Variants in PTPRG observed in about 807,000 individuals in gnomAD.
The protein encoded by PTPRG is protein tyrosine phosphatase receptor type G.
PTPRG carries 102 observed loss-of-function variants against 165.3 expected under a neutral mutation model. That is an observed-to-expected ratio of 0.62 (90% CI 0.53 to 0.73). PTPRG has a LOEUF of 0.73. PTPRG is among the 30% of genes least tolerant of loss of function. The probability of loss-of-function intolerance (pLI) is 0.00; values close to 1 mark genes in which losing one functional copy is unlikely to be tolerated. For synonymous variants in PTPRG, 675 were observed against 669.5 expected, an observed-to-expected ratio of 1.01 and a Z score of -0.13; for missense variants, 1,866 against 1,861.4, an observed-to-expected ratio of 1.00 and a Z score of -0.05.
At chr3:61,655,060 T>TTA (rs1438857392) in intron 1 of PTPRG, among the ~76,000 whole-genome samples, 1 of 152,096 alleles carries the variant, frequency 6.6e-6, no homozygotes, top group African/African-American at 2.4e-5. Flanking sequence ...GTGCTGGGAT[T>TTA]ACAGGCGTGA....
At chr3:62,152,329 A>T (rs1416908699) in intron 6 of PTPRG, among the ~76,000 whole-genome samples, 1 of 152,064 alleles carries the variant, frequency 6.6e-6, no homozygotes, top group Non-Finnish European at 1.5e-5. Context: ...ACCACAGCCT[A>T]GTCAACAGAG....
intron 2 of PTPRG, among the ~76,000 whole-genome samples, chr3:61,796,018 T>C (rs2035034508): frequency 6.6e-6 from 1 of 152,154 alleles, no homozygotes; most frequent in Non-Finnish European, 1.5e-5. Flanking sequence ...CAGGGAGAAA[T>C]TTGTAGCTCA....
chr3:62,238,115 G>A (rs961082572), intron 14 of PTPRG, among the ~76,000 whole-genome samples: 3 of 152,184 alleles, frequency 2.0e-5, no homozygotes, highest in Non-Finnish European at 2.9e-5. Flanking sequence ...GAACAGAGAC[G>A]CTCATTCGGT....
intron 5 of PTPRG, among the ~76,000 whole-genome samples, chr3:62,116,730 T>C (rs1007666397): frequency 6.6e-6 from 1 of 152,200 alleles, no homozygotes; most frequent in African/African-American, 2.4e-5. Flanking sequence ...TTAACATTTG[T>C]GTAGCTTACT....
In PTPRG at chr3:61,894,700, A is replaced by G. The variant is rs148994388; in HGVS notation, c.191-94925A>G. ...CAACTTGGGCTTTATGGCTCCAGCA[A>G]TGAGGCTCTTAAAACATGGTCACAA... On this transcript the variant is annotated intron_variant, in intron 2 of 29. Coordinates refer to ENST00000474889, the MANE Select transcript of PTPRG (RefSeq NM_002841.4). Among the ~76,000 whole-genome samples the G allele has an allele frequency of 2.0e-4, 31 of 152,324 alleles. 1 individual carries two copies. The East Asian group carries it at 4.6e-3, about 23-fold the overall frequency.
intron 9 of PTPRG, among the ~76,000 whole-genome samples, chr3:62,194,522 A>G (rs1699912771): frequency 6.6e-6 from 1 of 152,204 alleles, no homozygotes; most frequent in Non-Finnish European, 1.5e-5. Context: ...TTTGAACTGT[A>G]AAGAAACAGA....
intron 12 of PTPRG, among the ~76,000 whole-genome samples, chr3:62,211,957 CT>C (rs1309689652): frequency 0.013 from 1,887 of 143,176 alleles, 19 homozygotes; most frequent in Middle Eastern, 0.04. Flanking sequence ...TTTTTCTTTT[CT>C]TTTTTTTTTT....
chr3:62,039,548 C>T (rs972802460), intron 4 of PTPRG, among the ~76,000 whole-genome samples: 6 of 152,086 alleles, frequency 3.9e-5, no homozygotes, highest in Non-Finnish European at 8.8e-5. Flanking sequence ...CAGTCATGGG[C>T]TTGTACAGAA....
At chr3:62,231,849 C>T (rs1158503832) in intron 14 of PTPRG, among the ~76,000 whole-genome samples, 2 of 151,236 alleles carry the variant, frequency 1.3e-5, no homozygotes, top group African/African-American at 2.4e-5. Flanking sequence ...AAAGGAAATG[C>T]ATATGAGTTC....
intron 1 of PTPRG, among the ~76,000 whole-genome samples, chr3:61,710,019 G>T (rs1163502884): frequency 2.0e-5 from 3 of 152,166 alleles, no homozygotes; most frequent in Non-Finnish European, 4.4e-5. Flanking sequence ...GGGTGAACCA[G>T]TACTTCCGGG....
At chr3:62,264,889 T>C (rs1181593529) in intron 17 of PTPRG, among the ~76,000 whole-genome samples, 2 of 152,022 alleles carry the variant, frequency 1.3e-5, no homozygotes, top group Admixed American at 1.3e-4. Flanking sequence ...AAAGTGGCTA[T>C]TCATTTTACG....
chr3:62,167,352 G>T (rs1373436250), intron 7 of PTPRG, among the ~76,000 whole-genome samples: 1 of 152,042 alleles, frequency 6.6e-6, no homozygotes, highest in African/African-American at 2.4e-5. Flanking sequence ...CTAGTATGTC[G>T]GAAGATGCCA....
chr3:61,672,146 A>G (rs1167415891), intron 1 of PTPRG, among the ~76,000 whole-genome samples: 3 of 145,688 alleles, frequency 2.1e-5, no homozygotes, highest in Non-Finnish European at 4.5e-5. Context: ...GATGCTCCTC[A>G]CTTCCCAGAT....
chr3:62,066,866 C>T (rs559308524), intron 4 of PTPRG, among the ~76,000 whole-genome samples: 2 of 152,058 alleles, frequency 1.3e-5, no homozygotes, highest in Non-Finnish European at 2.9e-5. Context: ...GGTGAAACCC[C>T]CTCTCTGCTA....
intron 2 of PTPRG, among the ~76,000 whole-genome samples, chr3:61,945,420 G>A (rs2039732466): frequency 1.3e-5 from 2 of 151,894 alleles, no homozygotes; most frequent in Admixed American, 6.6e-5. Flanking sequence ...TTAGGTGGGC[G>A]TGATGGTAGG....
intron 10 of PTPRG, among the ~76,000 whole-genome samples, chr3:62,196,952 G>T (rs1040374233): frequency 6.6e-6 from 1 of 152,184 alleles, no homozygotes; most frequent in Non-Finnish European, 1.5e-5. Context: ...GCACATTCAT[G>T]GGCCCCTCCC....
At chr3:61,790,781 AAT>A (rs1031435045) in intron 2 of PTPRG, among the ~76,000 whole-genome samples, 5 of 151,480 alleles carry the variant, frequency 3.3e-5, no homozygotes, top group Non-Finnish European at 7.4e-5. Context: ...TTTTTCCTGA[AAT>A]TCAGTTATTC....
chr3:61,576,375 C>A (rs917451169), intron 1 of PTPRG, among the ~76,000 whole-genome samples: 4 of 152,158 alleles, frequency 2.6e-5, no homozygotes, highest in Non-Finnish European at 5.9e-5. Flanking sequence ...TGGGGCCAGT[C>A]ACACCCCCTA....
At chr3:62,168,971 G>A (rs544939494) in intron 8 of PTPRG, among the ~76,000 whole-genome samples, 23 of 152,204 alleles carry the variant, frequency 1.5e-4, no homozygotes, top group African/African-American at 5.3e-4. Flanking sequence ...CGGCCATTCG[G>A]TGGGCAGTCT....
Sources: gnomAD v4.1 joint callset for allele counts (sites outside exome capture counted in the v4.1 genomes callset) on GRCh38, gnomAD v4.1.1 for gene constraint, MANE v1.5 for transcripts, NCBI Gene and HGNC (gene_info 2026-07-23, HGNC 2026-07-21) for gene names.